SSPN: variants seen among roughly 807,000 people sequenced by gnomAD.
SSPN encodes sarcospan.
Under a neutral mutation model 19.1 loss-of-function variants are expected in SSPN, and 15 were observed. The ratio of observed to expected loss-of-function variants is 0.78; its 90% CI spans 0.52 to 1.21. SSPN has a LOEUF of 1.21. SSPN is among the 50% of genes most tolerant of loss of function. SSPN has a pLI of 0.00. For synonymous variants in SSPN, 147 were observed against 140.3 expected, an observed-to-expected ratio of 1.05 and a Z score of -0.34; for missense variants, 291 against 314.0, an observed-to-expected ratio of 0.93 and a Z score of 0.55.
chr12:26,172,174 A>G (rs1288041079), intron 1 of SSPN, among the ~76,000 whole-genome samples: 1 of 152,160 alleles, frequency 6.6e-6, no homozygotes, highest in African/African-American at 2.4e-5. Context: ...AGCCTCTCGA[A>G]TGGATATAAT....
At chr12:26,210,242 C>A (rs959315632) in intron 1 of SSPN, among the ~76,000 whole-genome samples, 3 of 151,966 alleles carry the variant, frequency 2.0e-5, no homozygotes, top group Non-Finnish European at 4.4e-5. Context: ...GACTTTATAT[C>A]ATTTTATTTA....
At chr12:26,226,367 TA>T (rs1461064982) in intron 2 of SSPN, among the ~76,000 whole-genome samples, 1 of 152,182 alleles carries the variant, frequency 6.6e-6, no homozygotes, top group Non-Finnish European at 1.5e-5. Context: ...TAAGCTTTGT[TA>T]GAGGATTTAT....
rs533065340 is a variant in SSPN at position 26,232,404 on chromosome 12, C to T, written c.*1328C>T. 1.9e-4 allele frequency: 188 copies of T among 985,170 alleles called. No homozygotes were observed. Among genetic ancestry groups the T allele is most frequent in the Non-Finnish European group, 2.2e-4 (186 of 829,892 alleles). 61.0% of individuals were successfully genotyped at this position (985,170 alleles called of 1,614,324 possible). On this transcript the variant is annotated 3_prime_UTR_variant, in exon 3 of 3. Coordinates refer to ENST00000242729, the MANE Select transcript of SSPN (RefSeq NM_005086.5). ...GTTGCTATTAAATTCTGAACTGTAT[C>T]CATATTTTAAGGAAGGAGCTAAAAA...
intron 1 of SSPN, among the ~76,000 whole-genome samples, chr12:26,135,181 C>T (rs565119616): frequency 8.5e-5 from 13 of 152,294 alleles, no homozygotes; most frequent in African/African-American, 3.1e-4. Context: ...CAGGGCATGG[C>T]TCTCAGAGGC....
At chr12:26,182,049 AATTGAC>A (rs1944721558) in intron 1 of SSPN, among the ~76,000 whole-genome samples, 1 of 152,202 alleles carries the variant, frequency 6.6e-6, no homozygotes, top group African/African-American at 2.4e-5. Flanking sequence ...GCTTTGGAAC[AATTGAC>A]AGTTGTTTAG....
chr12:26,166,600 T>C (rs56686254), intron 1 of SSPN, among the ~76,000 whole-genome samples: 23,804 of 152,222 alleles, frequency 0.16, 4,259 homozygotes, highest in African/African-American at 0.44. Context: ...TGAAATAAAA[T>C]GAAAACGAAT....
At chr12:26,156,106 A>G (rs564562171) in intron 1 of SSPN, among the ~76,000 whole-genome samples, 10 of 152,350 alleles carry the variant, frequency 6.6e-5, no homozygotes, top group Non-Finnish European at 1.5e-4. Context: ...TATCTAAAGG[A>G]GTAAGAAAAT....
intron 1 of SSPN, among the ~76,000 whole-genome samples, chr12:26,158,846 G>T (rs143881002): frequency 8.5e-5 from 13 of 152,376 alleles, no homozygotes; most frequent in African/African-American, 3.1e-4. Flanking sequence ...CATACCATGG[G>T]CAGGACATTG....
intron 1 of SSPN, chr12:26,122,278 G>C: frequency 8.3e-7 from 1 of 1,209,322 alleles, no homozygotes; most frequent in Non-Finnish European, 1.0e-6. Context: ...GACAGGCAGG[G>C]GAACGCGGCG....
rs980013258 is a variant in SSPN, at chr12:26,139,887, A to G, written c.-31+17735A>G. Among the ~76,000 whole-genome samples the G allele has an allele frequency of 3.3e-5, 5 of 152,244 alleles. No homozygotes were observed. In the South Asian group the frequency reaches 8.3e-4, roughly 25 times the overall value. On this transcript the variant is annotated intron_variant, in intron 1 of 2. Coordinates refer to the SSPN transcript ENST00000538142. ...TTTATCAGCAATTTCTGAAGCGGAC[A>G]CTCTTTGCCAGCACTAGGTGCTAGG... is the stretch of plus-strand genomic sequence containing the variant.
intron 1 of SSPN, among the ~76,000 whole-genome samples, chr12:26,155,181 A>C (rs1480041): frequency 0.98 from 148,463 of 152,218 alleles, 72,502 homozygotes; most frequent in East Asian, 1. Context: ...TGGTATACAG[A>C]AAGGCCATTG....
At chr12:26,156,958 C>G (rs1369402846) in intron 1 of SSPN, among the ~76,000 whole-genome samples, 3 of 152,194 alleles carry the variant, frequency 2.0e-5, no homozygotes, top group Admixed American at 2.0e-4. Context: ...GTGTGGAACA[C>G]TGTACCATTT....
chr12:26,123,277 A>T, intron 1 of SSPN: 1 of 1,374,874 alleles, frequency 7.3e-7, no homozygotes, highest in Non-Finnish European at 9.7e-7. Context: ...GACTAAAGTG[A>T]TCTCGGTTTT....
intron 1 of SSPN, among the ~76,000 whole-genome samples, chr12:26,163,016 C>G (rs1340109429): frequency 6.7e-6 from 1 of 148,172 alleles, no homozygotes; most frequent in Admixed American, 6.8e-5. Flanking sequence ...TGCTTCAAGA[C>G]GTGTGTGCTT....
intron 1 of SSPN, among the ~76,000 whole-genome samples, chr12:26,204,440 G>A (rs979079985): frequency 1.2e-4 from 18 of 152,134 alleles, no homozygotes; most frequent in Non-Finnish European, 2.5e-4. Flanking sequence ...GAACCTCCAC[G>A]CTGTAAATTC....
At chr12:26,130,007 A>G (rs1326370871) in intron 1 of SSPN, among the ~76,000 whole-genome samples, 1 of 152,146 alleles carries the variant, frequency 6.6e-6, no homozygotes, top group Non-Finnish European at 1.5e-5. Context: ...TTCTGCCCCT[A>G]CGTATCTGCC....
intron 1 of SSPN, among the ~76,000 whole-genome samples, chr12:26,172,485 G>A (rs1277816003): frequency 6.6e-6 from 1 of 152,102 alleles, no homozygotes; most frequent in East Asian, 1.9e-4. Context: ...AGTCTCTGAT[G>A]CGAAAGATGA....
upstream of SSPN, chr12:26,195,560 T>G (rs1944818638): frequency 1.5e-5 from 20 of 1,296,870 alleles, no homozygotes; most frequent in Non-Finnish European, 1.6e-5. Flanking sequence ...TTTTCCATAT[T>G]TGTTCAGCCT....
rs189613765 is a variant in SSPN, at chr12:26,179,675, G to A, written c.-30-44618G>A. ...TTTTACTGTCCCACCTTAGTTCCAA[G>A]TGCCTCCTAATAGGCCCTACAGAAT... On this transcript the variant is annotated intron_variant, in intron 1 of 2. Transcript: ENST00000538142. 2.4e-4 allele frequency among the ~76,000 whole-genome samples: 36 copies of A among 152,236 alleles called. No homozygotes were observed. The East Asian group carries it at 6.9e-3, about 29-fold the overall frequency.
Sources: allele counts gnomAD v4.1 joint callset (sites outside exome capture counted in the v4.1 genomes callset), GRCh38; gene constraint gnomAD v4.1.1; transcripts MANE v1.5; gene names NCBI Gene and HGNC (gene_info 2026-07-23, HGNC 2026-07-21).